The following RBFOX1 variants were observed in gnomAD, a reference collection of about 807,000 sequenced individuals.
The protein encoded by RBFOX1 is RNA binding protein fox-1 homolog 1.
In RBFOX1, 8 loss-of-function variants were observed where a neutral mutation model predicts 57.7. The observed-to-expected ratio is 0.14, with a 90% CI of 0.08 to 0.25. The LOEUF (loss-of-function observed/expected upper bound fraction) is 0.25, where lower values mean the gene tolerates loss of function less well. RBFOX1 is among the 10% of genes least tolerant of loss of function. The probability of loss-of-function intolerance (pLI) is 1.00; values close to 1 mark genes in which losing one functional copy is unlikely to be tolerated. For missense variants in RBFOX1, 611 were observed against 548.5 expected (o/e 1.11, Z -1.14); for synonymous variants, 326 against 222.4 (o/e 1.47, Z -4.15).
intron 4 of RBFOX1, among the ~76,000 whole-genome samples, chr16:7,343,711 G>A (rs954384254): frequency 6.6e-6 from 1 of 152,160 alleles, no homozygotes; most frequent in Non-Finnish European, 1.5e-5. Flanking sequence ...GAGGTGGTAT[G>A]GAGTAGGGTG....
intron 3 of RBFOX1, among the ~76,000 whole-genome samples, chr16:6,979,715 T>G (rs2088144092): frequency 6.6e-6 from 1 of 152,196 alleles, no homozygotes; most frequent in Admixed American, 6.5e-5. Flanking sequence ...GCTTATAAAT[T>G]TGAAGGCTGT....
chr16:6,751,643 C>G (rs74629460), intron 3 of RBFOX1, among the ~76,000 whole-genome samples: 2,470 of 152,220 alleles, frequency 0.016, 60 homozygotes, highest in African/African-American at 0.055. Context: ...TCAAAGGAAG[C>G]CAGTAACATT....
At chr16:7,433,716 G>A (rs1385656839) in intron 4 of RBFOX1, among the ~76,000 whole-genome samples, 1 of 152,100 alleles carries the variant, frequency 6.6e-6, no homozygotes, top group East Asian at 1.9e-4. Flanking sequence ...CCATCCATCT[G>A]TTCATCCACC....
chr16:7,370,504 C>T (rs9921536), intron 4 of RBFOX1, among the ~76,000 whole-genome samples: 1 of 152,180 alleles, frequency 6.6e-6, no homozygotes, highest in South Asian at 2.1e-4. Flanking sequence ...GTCTCCCTCA[C>T]TTTCCCTTCT....
At chr16:6,324,419 T>C (rs1241526705) in intron 2 of RBFOX1, among the ~76,000 whole-genome samples, 1 of 152,150 alleles carries the variant, frequency 6.6e-6, no homozygotes, top group Admixed American at 6.5e-5. Context: ...ACAGGAAGTA[T>C]GATGCTGGCA....
intron 3 of RBFOX1, among the ~76,000 whole-genome samples, chr16:5,757,025 G>T (rs915868269): frequency 6.6e-6 from 1 of 152,124 alleles, no homozygotes; most frequent in Non-Finnish European, 1.5e-5. Context: ...ATTTAATTCA[G>T]ATGTTTCTGG....
intron 3 of RBFOX1, among the ~76,000 whole-genome samples, chr16:5,672,560 G>A (rs959498507): frequency 1.3e-5 from 2 of 151,832 alleles, no homozygotes; most frequent in Admixed American, 1.3e-4. Context: ...CACGTTCTCT[G>A]TAAGATTTTC....
chr16:7,127,195 C>T (rs756135181), intron 4 of RBFOX1, among the ~76,000 whole-genome samples: 10 of 152,074 alleles, frequency 6.6e-5, no homozygotes, highest in Non-Finnish European at 1.0e-4. Flanking sequence ...GAACTAGCCA[C>T]AAATGCCTCC....
chr16:5,378,175 A>C (rs563762415), intron 1 of RBFOX1, among the ~76,000 whole-genome samples: 84 of 151,756 alleles, frequency 5.5e-4, no homozygotes, highest in Non-Finnish European at 1.0e-3. Flanking sequence ...GTTTTCTGGA[A>C]TATTCAGCAA....
intron 5 of RBFOX1, among the ~76,000 whole-genome samples, chr16:7,543,629 T>C (rs2083553908): frequency 6.6e-6 from 1 of 152,066 alleles, no homozygotes; most frequent in Non-Finnish European, 1.5e-5. Flanking sequence ...TCTTAACAGC[T>C]GTATTTTATT....
chr16:5,583,810 C>G (rs1412804455), intron 2 of RBFOX1, among the ~76,000 whole-genome samples: 2 of 152,156 alleles, frequency 1.3e-5, no homozygotes, highest in Non-Finnish European at 2.9e-5. Context: ...GTGAGCTGCT[C>G]AAGGTTATAA....
chr16:7,472,295 A>G (rs1335011466), intron 4 of RBFOX1, among the ~76,000 whole-genome samples: 2 of 139,602 alleles, frequency 1.4e-5, no homozygotes, highest in Non-Finnish European at 1.5e-5. Context: ...ATGGAGTACC[A>G]TGTATTTACC....
chr16:7,340,937 A>G (rs1568300763), intron 4 of RBFOX1, among the ~76,000 whole-genome samples: 1 of 152,186 alleles, frequency 6.6e-6, no homozygotes, highest in Non-Finnish European at 1.5e-5. Flanking sequence ...GCTTTTTATA[A>G]TACGTTGGCA....
At chr16:5,575,703 C>A (rs1273902664) in intron 2 of RBFOX1, among the ~76,000 whole-genome samples, 3 of 152,168 alleles carry the variant, frequency 2.0e-5, no homozygotes, top group African/African-American at 7.2e-5. Flanking sequence ...AATCCATTTG[C>A]CTTGCTTGAT....
At chr16:6,922,993 C>T (rs905289143) in intron 3 of RBFOX1, among the ~76,000 whole-genome samples, 1 of 152,188 alleles carries the variant, frequency 6.6e-6, no homozygotes, top group African/African-American at 2.4e-5. Flanking sequence ...AATACACAAA[C>T]TACTTATAAA....
chr16:6,859,095 T>C (rs72768858), intron 3 of RBFOX1, among the ~76,000 whole-genome samples: 1,572 of 83,586 alleles, frequency 0.019, 17 homozygotes, highest in Admixed American at 0.029. Flanking sequence ...CAGTGTTGTA[T>C]TGTCCTAAAA....
chr16:6,825,636 T>A (rs2092023449), intron 3 of RBFOX1, among the ~76,000 whole-genome samples: 2 of 152,096 alleles, frequency 1.3e-5, no homozygotes, highest in South Asian at 4.1e-4. Flanking sequence ...GAGTGGGTAT[T>A]TATTCACCGC....
intron 4 of RBFOX1, among the ~76,000 whole-genome samples, chr16:7,291,780 T>C (rs1568060744): frequency 6.6e-6 from 1 of 151,568 alleles, no homozygotes; most frequent in Non-Finnish European, 1.5e-5. Context: ...AGGATTTGTC[T>C]GTATTCTGCA....
At chr16:5,929,927 G>C (rs191642817) in intron 4 of RBFOX1, among the ~76,000 whole-genome samples, 1 of 151,872 alleles carries the variant, frequency 6.6e-6, no homozygotes, top group African/African-American at 2.4e-5. Context: ...AAATTGTCAA[G>C]AACAGATGTG....
Sources: gnomAD v4.1 joint callset for allele counts (sites outside exome capture counted in the v4.1 genomes callset) on GRCh38, gnomAD v4.1.1 for gene constraint, MANE v1.5 for transcripts, NCBI Gene and HGNC (gene_info 2026-07-23, HGNC 2026-07-21) for gene names.